DPP6: variants seen among roughly 807,000 people sequenced by gnomAD.
The protein encoded by DPP6 is A-type potassium channel modulatory protein DPP6.
A neutral mutation model predicts 122.6 loss-of-function variants in DPP6; 69 were observed. The observed-to-expected ratio is 0.56, with a 90% CI of 0.46 to 0.69. DPP6 has a LOEUF of 0.69. Among genes scored for constraint, DPP6 ranks in the 30% least tolerant of loss-of-function variants. DPP6 has a pLI of 0.00. For missense variants in DPP6, 928 were observed against 1,116.9 expected, an observed-to-expected ratio of 0.83 and a Z score of 2.41; for synonymous variants, 418 against 433.1, an observed-to-expected ratio of 0.97 and a Z score of 0.43.
At chr7:154,848,595 T>C (rs1317895728) in intron 16 of DPP6, among the ~76,000 whole-genome samples, 2 of 152,242 alleles carry the variant, frequency 1.3e-5, no homozygotes, top group Non-Finnish European at 2.9e-5. Flanking sequence ...TGCCAGTATT[T>C]TCAACACAAT....
chr7:154,602,271 C>G (rs1833434950), intron 5 of DPP6, among the ~76,000 whole-genome samples: 1 of 120,956 alleles, frequency 8.3e-6, no homozygotes, highest in African/African-American at 2.6e-5. Context: ...ATCATTTCAC[C>G]ATACCATCCT....
At chr7:154,007,908 C>T (rs975221185) in intron 1 of DPP6, among the ~76,000 whole-genome samples, 1 of 152,014 alleles carries the variant, frequency 6.6e-6, no homozygotes, top group African/African-American at 2.4e-5. Flanking sequence ...CATTGACGTT[C>T]ATCACTTTAG....
At chr7:154,076,149 T>A (rs1231795567) in intron 1 of DPP6, among the ~76,000 whole-genome samples, 1 of 151,968 alleles carries the variant, frequency 6.6e-6, no homozygotes, top group African/African-American at 2.4e-5. Context: ...GGGTTTAAAA[T>A]ATTTTTTTTT....
chr7:154,299,641 C>A (rs1444791043), intron 1 of DPP6, among the ~76,000 whole-genome samples: 1 of 152,214 alleles, frequency 6.6e-6, no homozygotes, highest in Non-Finnish European at 1.5e-5. Flanking sequence ...GAAGTGACTT[C>A]TCTTGCAGAT....
At chr7:154,643,662 G>T (rs904636452) in intron 6 of DPP6, among the ~76,000 whole-genome samples, 5 of 152,000 alleles carry the variant, frequency 3.3e-5, no homozygotes, top group Non-Finnish European at 5.9e-5. Flanking sequence ...TAGAGACGGG[G>T]TTTCACCGTG....
intron 1 of DPP6, among the ~76,000 whole-genome samples, chr7:153,908,304 A>T (rs1379098769): frequency 2.0e-5 from 3 of 152,168 alleles, no homozygotes; most frequent in African/African-American, 7.2e-5. Context: ...CCCACAGAGG[A>T]TGAAACAACA....
chr7:154,248,601 CA>C (rs1802142051), intron 1 of DPP6, among the ~76,000 whole-genome samples: 1 of 152,192 alleles, frequency 6.6e-6, no homozygotes, highest in Non-Finnish European at 1.5e-5. Context: ...CGCCGTGGCT[CA>C]CACCTGTAAT....
At chr7:154,202,903 C>T (rs958865160) in intron 1 of DPP6, among the ~76,000 whole-genome samples, 3 of 152,180 alleles carry the variant, frequency 2.0e-5, no homozygotes, top group African/African-American at 4.8e-5. Context: ...CTAACAGGCA[C>T]AGGCATGCAT....
chr7:154,371,271 C>T (rs749580075), intron 1 of DPP6, among the ~76,000 whole-genome samples: 12 of 146,956 alleles, frequency 8.2e-5, no homozygotes, highest in East Asian at 4.2e-4. Context: ...CCCAGCTACT[C>T]GGGAGGCTGA....
intron 6 of DPP6, among the ~76,000 whole-genome samples, chr7:154,664,866 A>G (rs538300857): frequency 2.0e-5 from 3 of 152,196 alleles, no homozygotes; most frequent in South Asian, 4.1e-4. Context: ...TCATGTCACC[A>G]CTCCTAGTGA....
intron 3 of DPP6, among the ~76,000 whole-genome samples, chr7:154,528,956 G>A (rs1047679306): frequency 2.6e-5 from 4 of 152,142 alleles, no homozygotes; most frequent in African/African-American, 7.2e-5. Flanking sequence ...TGGGAAGAGG[G>A]GCCAAGGCCA....
At position 153,979,974 on chromosome 7, in the gene DPP6, A is replaced by G. The variant is rs530327243; in HGVS notation, c.51+92240A>G. Among the ~76,000 whole-genome samples, 19 of 152,246 alleles carry G rather than the reference A, an allele frequency of 1.2e-4. No individual in the cohort carries two copies. In the East Asian group the frequency reaches 3.3e-3, roughly 26 times the overall value. On this transcript the variant is annotated intron_variant, in intron 1 of 25. Transcript: ENST00000404039. ...GTATTTTATTGAGGATTTTTGCATC[A>G]ATGTTCATCAGGGATATTGGCCTGA...
chr7:154,841,956 G>A (rs1439676826), intron 16 of DPP6, among the ~76,000 whole-genome samples: 1 of 152,098 alleles, frequency 6.6e-6, no homozygotes, highest in African/African-American at 2.4e-5. Context: ...AAAACCTGTC[G>A]GCAGTGTTGA....
intron 10 of DPP6, 79 bp downstream of exon 10, chr7:154,773,021 C>A (rs145752980): frequency 7.2e-7 from 1 of 1,397,240 alleles, no homozygotes. Context: ...TCTTCTGGAT[C>A]AGATTTATCT....
chr7:153,887,825 C>G (rs1799003086), intron 1 of DPP6: 1 of 1,416,780 alleles, frequency 7.1e-7, no homozygotes, highest in African/African-American at 1.4e-5. Flanking sequence ...AGTCCCGAAC[C>G]TCCCTGGAAG....
chr7:154,654,167 A>G (rs554247154), intron 6 of DPP6, among the ~76,000 whole-genome samples: 2 of 152,186 alleles, frequency 1.3e-5, no homozygotes, highest in East Asian at 3.9e-4. Context: ...AATACCACAC[A>G]TTTTATATCA....
chr7:153,784,019 T>C, the DPP6 span, among the ~76,000 whole-genome samples: 60 of 152,390 alleles, frequency 3.9e-4, no homozygotes, highest in African/African-American at 1.0e-3. Flanking sequence ...CCTAATGCTA[T>C]ACCTGGAACA....
At chr7:154,746,497 A>G (rs183652502) in intron 8 of DPP6, among the ~76,000 whole-genome samples, 57 of 152,254 alleles carry the variant, frequency 3.7e-4, no homozygotes, top group African/African-American at 1.2e-3. Flanking sequence ...TGTTTTGGAA[A>G]TCCCCACCAG....
At chr7:154,790,329 G>A (rs937066551) in intron 10 of DPP6, among the ~76,000 whole-genome samples, 19 of 152,240 alleles carry the variant, frequency 1.2e-4, no homozygotes, top group African/African-American at 4.6e-4. Context: ...CTCAGGGCAA[G>A]TCGGCACAAG....
Sources: allele counts gnomAD v4.1 joint callset (sites outside exome capture counted in the v4.1 genomes callset), GRCh38; gene constraint gnomAD v4.1.1; transcripts MANE v1.5; gene names NCBI Gene and HGNC (gene_info 2026-07-23, HGNC 2026-07-21).